Variants in PARD3 observed in about 807,000 individuals in gnomAD.
The protein encoded by PARD3 is par-3 family cell polarity regulator.
A neutral mutation model predicts 155.4 loss-of-function variants in PARD3; 75 were observed. That is an observed-to-expected ratio of 0.48 (90% CI 0.40 to 0.58). The LOEUF is 0.58. Ranked by LOEUF, PARD3 falls within the 20% of genes least tolerant of loss-of-function variation. The pLI is 0.00. For missense variants in PARD3, 1,642 were observed against 1,721.7 expected, an observed-to-expected ratio of 0.95 and a Z score of 0.82; for synonymous variants, 576 against 610.5, an observed-to-expected ratio of 0.94 and a Z score of 0.83.
intron 2 of PARD3, among the ~76,000 whole-genome samples, chr10:34,687,870 T>TTTTTTTTG: frequency 6.9e-6 from 1 of 144,352 alleles, no homozygotes; most frequent in Non-Finnish European, 1.5e-5. Flanking sequence ...TTTTTTTTTT[T>TTTTTTTTG]TTGAGACAGG....
At position 34,673,148 on chromosome 10, in the gene PARD3, C is replaced by T. The variant is rs1041082477; in HGVS notation, c.222+23170G>A. Among the ~76,000 whole-genome samples the T allele has an allele frequency of 2.2e-4, 34 of 151,992 alleles. 1 individual carries two copies. Among genetic ancestry groups the T allele is most frequent in the South Asian group, 4.2e-4 (2 of 4,816 alleles). Reference sequence around the variant, plus strand: ...ATCTTCATGGAGATCCGGGAAGCACCGGAAGAATTAATGCTCAACACACTG... The same window carrying T: ...ATCTTCATGGAGATCCGGGAAGCACTGGAAGAATTAATGCTCAACACACTG... On this transcript the variant is annotated intron_variant, in intron 2 of 24. Coordinates refer to ENST00000374788, the MANE Select transcript of PARD3 (RefSeq NM_001184785.2).
chr10:34,618,252 T>A (rs2091397377), intron 2 of PARD3, among the ~76,000 whole-genome samples: 1 of 152,184 alleles, frequency 6.6e-6, no homozygotes. Flanking sequence ...TGAATCCAAA[T>A]AAAAAAGTCT....
intron 3 of PARD3, among the ~76,000 whole-genome samples, chr10:34,513,406 G>A (rs1262484762): frequency 2.6e-5 from 4 of 152,010 alleles, no homozygotes; most frequent in African/African-American, 4.8e-5. Context: ...TCAGCCTTCC[G>A]AGTAGCTGGG....
chr10:34,757,810 A>G (rs1398530758), intron 1 of PARD3, among the ~76,000 whole-genome samples: 1 of 152,214 alleles, frequency 6.6e-6, no homozygotes, highest in East Asian at 1.9e-4. Context: ...TAACCTCATC[A>G]GTGACACATT....
At chr10:34,634,390 C>T (rs918145838) in intron 2 of PARD3, among the ~76,000 whole-genome samples, 1 of 151,710 alleles carries the variant, frequency 6.6e-6, no homozygotes, top group African/African-American at 2.4e-5. Context: ...TGGAAGGATG[C>T]GGGAAAAAAA....
At chr10:34,704,480 G>C (rs2094333255) in intron 1 of PARD3, among the ~76,000 whole-genome samples, 1 of 152,182 alleles carries the variant, frequency 6.6e-6, no homozygotes, top group Admixed American at 6.5e-5. Context: ...AAGAGACAGA[G>C]ATCCTAGAAA....
intron 2 of PARD3, among the ~76,000 whole-genome samples, chr10:34,649,280 T>C (rs751333707): frequency 6.6e-6 from 1 of 152,172 alleles, no homozygotes; most frequent in Non-Finnish European, 1.5e-5. Flanking sequence ...CTTATCTCCA[T>C]AATTAATTAA....
intron 19 of PARD3, among the ~76,000 whole-genome samples, chr10:34,329,377 A>T (rs375938442): frequency 2.0e-5 from 3 of 152,314 alleles, no homozygotes; most frequent in Middle Eastern, 6.8e-3. Context: ...GGGCCAAAGC[A>T]TAGTAATTTT....
rs140441245 is a variant in PARD3 at position 34,427,811 on chromosome 10, T to A, written c.714+22506A>T. On this transcript the variant is annotated intron_variant, in intron 5 of 24. Transcript: ENST00000374788. Reference sequence around the variant, plus strand: ...CAGACTGGCTGACACTTAGGGAAAATATAAAAGAAACTACGTTGAATTATC... The same window carrying A: ...CAGACTGGCTGACACTTAGGGAAAAAATAAAAGAAACTACGTTGAATTATC... 3.1e-3 allele frequency among the ~76,000 whole-genome samples: 468 copies of A among 152,064 alleles called. 1 individual carries two copies. Among genetic ancestry groups the A allele is most frequent in the African/African-American group, 0.011 (445 of 41,478 alleles).
At chr10:34,386,817 C>CA (rs79015033) in intron 7 of PARD3, among the ~76,000 whole-genome samples, 6,936 of 85,324 alleles carry the variant, frequency 0.081, 192 homozygotes, top group African/African-American at 0.15. Flanking sequence ...AAACTCCGTC[C>CA]AAAAAAAAAA....
chr10:34,260,763 CATAA>C (rs781287600), intron 22 of PARD3, among the ~76,000 whole-genome samples: 4 of 152,180 alleles, frequency 2.6e-5, no homozygotes, highest in Non-Finnish European at 4.4e-5. Flanking sequence ...ACTAAGCAAA[CATAA>C]ATAAAGTGGT....
intron 2 of PARD3, among the ~76,000 whole-genome samples, chr10:34,587,322 C>A (rs1465027535): frequency 2.0e-5 from 3 of 152,028 alleles, no homozygotes; most frequent in Non-Finnish European, 4.4e-5. Flanking sequence ...GGGGTTTCAC[C>A]ATCTTGGCCA....
intron 18 of PARD3, among the ~76,000 whole-genome samples, chr10:34,334,011 T>G (rs1835888335): frequency 6.6e-6 from 1 of 152,004 alleles, no homozygotes; most frequent in East Asian, 1.9e-4. Flanking sequence ...ATTGAAAAAG[T>G]CTTTTTGTAC....
intron 1 of PARD3, among the ~76,000 whole-genome samples, chr10:34,783,488 C>T (rs1337171316): frequency 6.6e-6 from 1 of 151,508 alleles, no homozygotes; most frequent in Non-Finnish European, 1.5e-5. Flanking sequence ...CCTGTAATCC[C>T]AGCTACTCAG....
chr10:34,387,669 G>A (rs1842484683), intron 7 of PARD3, among the ~76,000 whole-genome samples: 1 of 152,050 alleles, frequency 6.6e-6, no homozygotes, highest in Non-Finnish European at 1.5e-5. Context: ...AAAAGTATTG[G>A]GATTACAGGC....
intron 1 of PARD3, among the ~76,000 whole-genome samples, chr10:34,758,675 G>A (rs1564588180): frequency 1.3e-5 from 2 of 152,128 alleles, no homozygotes; most frequent in Non-Finnish European, 2.9e-5. Flanking sequence ...TTTTAATCCT[G>A]GAAGCACTGA....
At chr10:34,423,284 G>A (rs980208740) in intron 5 of PARD3, among the ~76,000 whole-genome samples, 1 of 152,122 alleles carries the variant, frequency 6.6e-6, no homozygotes, top group Non-Finnish European at 1.5e-5. Context: ...ACTCATCAAA[G>A]TAGAGAGTGG....
At chr10:34,627,638 G>A (rs371526239) in intron 2 of PARD3, among the ~76,000 whole-genome samples, 6 of 152,106 alleles carry the variant, frequency 3.9e-5, no homozygotes, top group African/African-American at 1.4e-4. Context: ...CTGGGCTTCC[G>A]AAGCCAGGAA....
chr10:34,353,749 A>AAATC (rs1838471200), intron 14 of PARD3, among the ~76,000 whole-genome samples: 1 of 151,040 alleles, frequency 6.6e-6, no homozygotes, highest in Admixed American at 6.6e-5. Flanking sequence ...ATAAATAAAT[A>AAATC]AAATAAAAAA....
Sources: allele counts gnomAD v4.1 joint callset (sites outside exome capture counted in the v4.1 genomes callset), GRCh38; gene constraint gnomAD v4.1.1; transcripts MANE v1.5; gene names NCBI Gene and HGNC (gene_info 2026-07-23, HGNC 2026-07-21).